Variants in SIL1 observed in about 807,000 individuals in gnomAD.
SIL1 encodes nucleotide exchange factor SIL1.
A neutral mutation model predicts 49.1 loss-of-function variants in SIL1; 40 were observed. The observed-to-expected ratio is 0.81, with a 90% CI of 0.63 to 1.06. SIL1 has a LOEUF of 1.06. SIL1 is among the 50% of genes least tolerant of loss of function. SIL1 has a pLI of 0.00. For synonymous variants in SIL1, 253 were observed against 250.8 expected, an observed-to-expected ratio of 1.01 and a Z score of -0.08; for missense variants, 500 against 572.6, an observed-to-expected ratio of 0.87 and a Z score of 1.29.
At chr5:139,194,444 G>A (rs902145889) in intron 1 of SIL1, among the ~76,000 whole-genome samples, 2 of 152,174 alleles carry the variant, frequency 1.3e-5, no homozygotes, top group Admixed American at 1.3e-4. Context: ...AGTAAAGGAA[G>A]AAAAGAAAAG....
chr5:139,069,288 T>TA (rs1396716889), intron 3 of SIL1, among the ~76,000 whole-genome samples: 2 of 149,688 alleles, frequency 1.3e-5, no homozygotes, highest in Admixed American at 6.6e-5. Context: ...ATTCTGCCTC[T>TA]AAAAAAAAAT....
intron 1 of SIL1, among the ~76,000 whole-genome samples, chr5:139,190,702 AGGCATTG>A (rs956168392): frequency 1.3e-5 from 2 of 152,166 alleles, no homozygotes; most frequent in Admixed American, 6.5e-5. Flanking sequence ...TGCAAAATGG[AGGCATTG>A]GGCAGTAACA....
chr5:139,104,967 C>T (rs753140131), intron 3 of SIL1, among the ~76,000 whole-genome samples: 5 of 152,054 alleles, frequency 3.3e-5, no homozygotes, highest in South Asian at 2.1e-4. Context: ...AGAGGAAAAG[C>T]GGAAGAAATG....
intron 1 of SIL1, among the ~76,000 whole-genome samples, chr5:139,168,794 A>G (rs1192449598): frequency 6.6e-6 from 1 of 151,522 alleles, no homozygotes; most frequent in African/African-American, 2.4e-5. Flanking sequence ...ACATGGCAAA[A>G]CCCCATCTCT....
chr5:138,950,343 G>A (rs577176496), intron 9 of SIL1, among the ~76,000 whole-genome samples: 1 of 152,328 alleles, frequency 6.6e-6, no homozygotes, highest in East Asian at 1.9e-4. Flanking sequence ...AGAAGAGAGA[G>A]AAACAGGCAA....
chr5:139,041,533 G>T (rs989440749), intron 5 of SIL1, among the ~76,000 whole-genome samples: 23 of 152,262 alleles, frequency 1.5e-4, no homozygotes, highest in African/African-American at 5.3e-4. Flanking sequence ...GCCCAGCACG[G>T]TGGTTCATGC....
intron 7 of SIL1, among the ~76,000 whole-genome samples, chr5:138,984,475 C>T (rs1767608584): frequency 6.6e-6 from 1 of 151,928 alleles, no homozygotes; most frequent in African/African-American, 2.4e-5. Flanking sequence ...TCTCCTGCCT[C>T]AGCCTCCCAA....
intron 1 of SIL1, among the ~76,000 whole-genome samples, chr5:139,183,985 A>G (rs1752036459): frequency 6.6e-6 from 1 of 152,238 alleles, no homozygotes; most frequent in South Asian, 2.1e-4. Context: ...CTCCGCAAAG[A>G]ATAGGAAGCC....
At chr5:139,176,955 C>CA in intron 1 of SIL1, among the ~76,000 whole-genome samples, 1 of 104,232 alleles carries the variant, frequency 9.6e-6, no homozygotes, top group South Asian at 3.5e-4. Flanking sequence ...TTTTTTGAGA[C>CA]AGAGTCTCAC....
intron 3 of SIL1, among the ~76,000 whole-genome samples, chr5:139,104,758 A>G (rs552012368): frequency 7.1e-4 from 108 of 152,296 alleles, no homozygotes; most frequent in Non-Finnish European, 1.4e-3. Flanking sequence ...GTGGTTAAGG[A>G]TTAAGACTTA....
chr5:138,961,554 A>ACAGG (rs1307283400), intron 7 of SIL1, among the ~76,000 whole-genome samples: 1 of 151,614 alleles, frequency 6.6e-6, no homozygotes, highest in Non-Finnish European at 1.5e-5. Context: ...CAGTAGCTGC[A>ACAGG]CAGGCGCCTT....
chr5:139,121,120 T>C lies in SIL1; in HGVS notation c.159A>G (p.Arg53=). ...GCTCCTCCTCGGCTTTGGTTTCTTT[T>C]CTCTCTGTTTCTTTGGTGCTGCTCT... ...PEKSSTKETE[R]KETKAEEELD... Residue 53 remains arginine (R), a synonymous_variant, in exon 3 of 10, where the codon AGA becomes AGG. Transcript: ENST00000394817. 1.2e-6 allele frequency: 2 copies of C among 1,614,194 alleles called. No homozygotes were observed.
chr5:138,949,167 CA>C (rs1766705805), intron 9 of SIL1, among the ~76,000 whole-genome samples: 1 of 152,226 alleles, frequency 6.6e-6, no homozygotes, highest in Non-Finnish European at 1.5e-5. Context: ...CACAGGCAGG[CA>C]GGGTCCCCCT....
At chr5:139,196,932 GAC>G (rs373177909) in intron 1 of SIL1, among the ~76,000 whole-genome samples, 1 of 151,790 alleles carries the variant, frequency 6.6e-6, no homozygotes, top group African/African-American at 2.4e-5. Flanking sequence ...GAGCAGAAAA[GAC>G]ACACACACAC....
At chr5:138,992,708 G>A (rs939146016) in intron 7 of SIL1, among the ~76,000 whole-genome samples, 2 of 151,996 alleles carry the variant, frequency 1.3e-5, no homozygotes, top group Non-Finnish European at 2.9e-5. Flanking sequence ...TGGACTTTGG[G>A]GACTCGGGGA....
intron 3 of SIL1, among the ~76,000 whole-genome samples, chr5:139,107,059 C>T (rs1770729716): frequency 6.6e-6 from 1 of 152,196 alleles, no homozygotes; most frequent in Non-Finnish European, 1.5e-5. Context: ...GTCCTAATGC[C>T]ACATGAGTGG....
chr5:139,008,138 C>A (rs1156596164), intron 7 of SIL1, among the ~76,000 whole-genome samples: 1,615 of 150,882 alleles, frequency 0.011, 36 homozygotes, highest in African/African-American at 0.037. Context: ...ACAATTTCAG[C>A]TCCTGTTATT....
intron 1 of SIL1, among the ~76,000 whole-genome samples, chr5:139,154,739 G>A (rs550705067): frequency 1.5e-4 from 23 of 152,184 alleles, no homozygotes; most frequent in African/African-American, 4.6e-4. Context: ...TGCTGACACA[G>A]CCCTCACATC....
At chr5:138,966,618 A>C (rs535961414) in intron 7 of SIL1, among the ~76,000 whole-genome samples, 4 of 152,118 alleles carry the variant, frequency 2.6e-5, no homozygotes, top group Admixed American at 2.6e-4. Flanking sequence ...GAAATGCCAA[A>C]AACAAACAAA....
Sources: allele counts gnomAD v4.1 joint callset (sites outside exome capture counted in the v4.1 genomes callset), GRCh38; gene constraint gnomAD v4.1.1; transcripts MANE v1.5; gene names NCBI Gene and HGNC (gene_info 2026-07-23, HGNC 2026-07-21).